ANKFN1: variants seen among roughly 807,000 people sequenced by gnomAD.
ANKFN1 encodes ankyrin repeat and fibronectin type III domain containing 1, also known as ankyrin repeat and fibronectin type-III domain-containing protein 1.
ANKFN1 carries 74 observed loss-of-function variants against 108.7 expected under a neutral mutation model. That is an observed-to-expected ratio of 0.68 (90% CI 0.56 to 0.83). The LOEUF is 0.83. Ranked by LOEUF, ANKFN1 falls within the 40% of genes least tolerant of loss-of-function variation. The probability of loss-of-function intolerance (pLI) is 0.00; values close to 1 mark genes in which losing one functional copy is unlikely to be tolerated. For synonymous variants in ANKFN1, 547 were observed against 516.2 expected (o/e 1.06, Z -0.81); for missense variants, 1,505 against 1,382.3 (o/e 1.09, Z -1.41).
chr17:56,316,701 AGGGT>A (rs2045218301), intron 3 of ANKFN1, among the ~76,000 whole-genome samples: 2 of 152,200 alleles, frequency 1.3e-5, no homozygotes, highest in African/African-American at 4.8e-5. Context: ...AAAATAAATG[AGGGT>A]GGAAGGAGGA....
At chr17:56,436,140 A>G (rs772238362) in intron 8 of ANKFN1, among the ~76,000 whole-genome samples, 1 of 152,168 alleles carries the variant, frequency 6.6e-6, no homozygotes, top group Non-Finnish European at 1.5e-5. Flanking sequence ...CCCTGCCCAA[A>G]TGACTCTACA....
Position 56,480,888 on chromosome 17 carries a change from G to GGTGTGTGT in ANKFN1, c.2091+97_2091+104dup, listed in dbSNP as rs749625590. On this transcript the variant is annotated intron_variant, in intron 17 of 20. Coordinates refer to ENST00000682825, the MANE Select transcript of ANKFN1 (RefSeq NM_001370326.1). ...GAAACTGCATTGTAACATTAAGTGG[G>GGTGTGTGT]GTGTGTGTGTGTGTGTGTGTGTGTG... 3.1e-3 allele frequency: 4,100 copies of GGTGTGTGT among 1,337,296 alleles called. 66 individuals are homozygous for GGTGTGTGT. In the African/African-American group the frequency reaches 0.046, roughly 15 times the overall value. The allele number at this position is 1,337,296 out of a possible 1,614,324, so 82.8% of individuals were successfully genotyped here. A position where few individuals can be genotyped will look rare whatever the true frequency, so the allele number is the denominator to read the frequency against.
intron 3 of ANKFN1, among the ~76,000 whole-genome samples, chr17:56,301,750 A>G (rs1458090277): frequency 6.6e-6 from 1 of 152,240 alleles, no homozygotes; most frequent in Non-Finnish European, 1.5e-5. Context: ...AGAATAATTG[A>G]TAAGCATGTC....
chr17:56,386,708 T>C (rs1239803165), intron 8 of ANKFN1, among the ~76,000 whole-genome samples: 1 of 151,700 alleles, frequency 6.6e-6, no homozygotes, highest in African/African-American at 2.4e-5. Context: ...TACTATACTG[T>C]GAATAGTAGC....
At chr17:56,109,190 GCATCTCA>G (rs1028008182) in intron 4 of ANKFN1, among the ~76,000 whole-genome samples, 16 of 152,054 alleles carry the variant, frequency 1.1e-4, no homozygotes, top group African/African-American at 3.9e-4. Flanking sequence ...AGAGTAACAG[GCATCTCA>G]CATTTATCAG....
intron 4 of ANKFN1, among the ~76,000 whole-genome samples, chr17:56,092,250 C>A (rs1456550947): frequency 6.8e-6 from 1 of 147,996 alleles, no homozygotes; most frequent in Non-Finnish European, 1.5e-5. Context: ...AATGTAGGCA[C>A]AGGGAGTGAG....
chr17:56,477,652 T>C lies in ANKFN1; in HGVS notation c.1938T>C (p.Ser646=). Residue 646 remains serine, a splice_region_variant and synonymous_variant, in exon 16 of 21, where the codon TCT becomes TCC. Coordinates refer to ENST00000682825, the MANE Select transcript of ANKFN1 (RefSeq NM_001370326.1). ...HVKIRENNNI[S]REEWEWIQKL... Reference sequence around the variant, plus strand: ...AGATCCGTGAAAACAATAATATTTCTAGGTAAGTGATCAGGAGTTAAGATT... The same window carrying C: ...AGATCCGTGAAAACAATAATATTTCCAGGTAAGTGATCAGGAGTTAAGATT... The C allele has an allele frequency of 6.2e-7, 1 of 1,612,374 alleles. No homozygotes were observed.
At chr17:56,114,201 A>C (rs1377538533) in intron 4 of ANKFN1, among the ~76,000 whole-genome samples, 1 of 152,202 alleles carries the variant, frequency 6.6e-6, no homozygotes, top group Non-Finnish European at 1.5e-5. Context: ...CTGCAAAAGC[A>C]CCTTTTTATT....
chr17:56,296,215 C>A (rs1367033920), intron 3 of ANKFN1, among the ~76,000 whole-genome samples: 1 of 151,994 alleles, frequency 6.6e-6, no homozygotes, highest in Non-Finnish European at 1.5e-5. Context: ...GGGTGTGAAC[C>A]AGCAACCTAA....
At chr17:56,224,848 G>C (rs1404555551) in intron 2 of ANKFN1, 2 of 152,270 alleles carry the variant, frequency 1.3e-5, no homozygotes, top group Non-Finnish European at 2.9e-5. Context: ...GTGTCCAAGG[G>C]CTTCGGTCAA....
Position 56,110,353 on chromosome 17 carries a change from T to G in ANKFN1, c.288+64028T>G, listed in dbSNP as rs191289598. ...TTTTCGGAAAAGCACTCCTGACTTC[T>G]CAGGCTAGATATTCCCTCCTCCACC... is the stretch of plus-strand genomic sequence containing the variant. On this transcript the variant is annotated intron_variant, in intron 4 of 12. Coordinates refer to the ANKFN1 transcript ENST00000635860. Among the ~76,000 whole-genome samples the G allele has an allele frequency of 3.3e-5, 5 of 152,318 alleles. No individual in the cohort carries two copies. The East Asian group carries it at 9.7e-4, about 29-fold the overall frequency.
intron 8 of ANKFN1, among the ~76,000 whole-genome samples, chr17:56,436,833 A>C (rs2048945983): frequency 6.8e-6 from 1 of 146,816 alleles, no homozygotes; most frequent in Non-Finnish European, 1.5e-5. Flanking sequence ...GCGAAACTCC[A>C]TCTCAAAAAA....
chr17:56,445,898 A>G (rs766752518), intron 10 of ANKFN1, among the ~76,000 whole-genome samples: 6 of 152,138 alleles, frequency 3.9e-5, no homozygotes, highest in Non-Finnish European at 8.8e-5. Flanking sequence ...GTGTCTCATT[A>G]CCAGAACAGT....
rs146851936 is a variant in ANKFN1, at chr17:56,195,780, A to C, written c.-70-16818A>C. Among the ~76,000 whole-genome samples, 483 of 152,300 alleles carry C rather than the reference A, an allele frequency of 3.2e-3. 2 individuals carry two copies. Among genetic ancestry groups the C allele is most frequent in the African/African-American group, 9.9e-3 (410 of 41,564 alleles). ...GAGTTCCTACAGCTTTTCAGCTTCC[A>C]TTCCATAACAGGGCATGTATCTTTA... On this transcript the variant is annotated intron_variant, in intron 1 of 20. Transcript: ENST00000682825.
At chr17:56,426,977 C>T (rs939699670) in intron 8 of ANKFN1, among the ~76,000 whole-genome samples, 1 of 152,168 alleles carries the variant, frequency 6.6e-6, no homozygotes, top group Non-Finnish European at 1.5e-5. Context: ...ATCAGTAAGG[C>T]ACCTTGTTGA....
In ANKFN1 at chr17:56,099,070, A is replaced by G. The variant is rs564930193; in HGVS notation, c.288+52745A>G. On this transcript the variant is annotated intron_variant, in intron 4 of 12. Coordinates refer to the ANKFN1 transcript ENST00000635860. ...AGAACAGGAGCTGTAATGGAGGGAT[A>G]GTCTTACTTTGTCACAACTCAGAAG... Among the ~76,000 whole-genome samples the G allele has an allele frequency of 4.6e-5, 7 of 152,312 alleles. No homozygotes were observed. The East Asian group carries it at 1.4e-3, about 29-fold the overall frequency.
At chr17:56,157,191 A>T (rs1332362999) in intron 1 of ANKFN1, among the ~76,000 whole-genome samples, 1 of 152,142 alleles carries the variant, frequency 6.6e-6, no homozygotes, top group African/African-American at 2.4e-5. Flanking sequence ...AAGGGAGAGG[A>T]TGGGGACTCT....
Position 56,515,822 on chromosome 17 carries a change from C to G in ANKFN1, c.*4553C>G, listed in dbSNP as rs547822301. Among the ~76,000 whole-genome samples, 1 of 152,306 alleles carries G rather than the reference C, an allele frequency of 6.6e-6. No individual in the cohort carries two copies. Among genetic ancestry groups the G allele is most frequent in the Admixed American group, 6.5e-5 (1 of 15,298 alleles). On this transcript the variant is annotated 3_prime_UTR_variant, in exon 21 of 21. Coordinates refer to ENST00000682825, the MANE Select transcript of ANKFN1 (RefSeq NM_001370326.1). ...TTTTCAATTATTTCTTCTATTTCCA[C>G]TAATAATGACTTTGTAAAACAGTTA... is the stretch of plus-strand genomic sequence containing the variant.
intron 20 of ANKFN1, among the ~76,000 whole-genome samples, chr17:56,502,664 G>C (rs1297551085): frequency 6.6e-6 from 1 of 152,214 alleles, no homozygotes. Flanking sequence ...TTGTTCAAAA[G>C]CCATTTATGA....
Sources: gnomAD v4.1 joint callset for allele counts (sites outside exome capture counted in the v4.1 genomes callset) on GRCh38, gnomAD v4.1.1 for gene constraint, MANE v1.5 for transcripts, NCBI Gene and HGNC (gene_info 2026-07-23, HGNC 2026-07-21) for gene names.